The following TBC1D22A variants were observed in gnomAD, a reference collection of about 807,000 sequenced individuals.
The protein encoded by TBC1D22A is TBC1 domain family member 22A.
A neutral mutation model predicts 60.2 loss-of-function variants in TBC1D22A; 38 were observed. The observed-to-expected ratio is 0.63, with a 90% confidence interval of 0.49 to 0.83. The LOEUF (loss-of-function observed/expected upper bound fraction) is 0.83, where lower values mean the gene tolerates loss of function less well. Among genes scored for constraint, TBC1D22A ranks in the 40% least tolerant of loss-of-function variants. The pLI is 0.00. For missense variants in TBC1D22A, 628 were observed against 701.0 expected, an observed-to-expected ratio of 0.90 and a Z score of 1.18; for synonymous variants, 302 against 281.7, an observed-to-expected ratio of 1.07 and a Z score of -0.72.
chr22:46,768,620 G>A (rs1035250063), intron 1 of TBC1D22A, among the ~76,000 whole-genome samples: 2 of 151,832 alleles, frequency 1.3e-5, no homozygotes, highest in South Asian at 2.1e-4. Flanking sequence ...TGGAATTCTC[G>A]CCACACTTCA....
Position 46,891,703 on chromosome 22 carries a change from G to T in TBC1D22A, c.837+309G>T, listed in dbSNP as rs2068417786. On this transcript the variant is annotated intron_variant, in intron 6 of 12. Transcript: ENST00000337137. ...GGCCTTGGGGTGATGGTGGGAGTTTGTATCACAGTGAGCTGCTGTCTGGTA... is the reference window on the plus strand; with the variant it reads ...GGCCTTGGGGTGATGGTGGGAGTTTTTATCACAGTGAGCTGCTGTCTGGTA... Among the ~76,000 whole-genome samples the T allele has an allele frequency of 2.0e-5, 3 of 152,338 alleles. No individual in the cohort carries two copies. The South Asian group carries it at 6.2e-4, about 32-fold the overall frequency.
In TBC1D22A at chr22:46,946,349, G is replaced by A. The variant is rs117530715; in HGVS notation, c.1016-27941G>A. Among the ~76,000 whole-genome samples, 1,464 of 152,340 alleles carry A rather than the reference G, an allele frequency of 9.6e-3. 14 individuals are homozygous for A. The highest frequency in any genetic ancestry group is 0.014 in the Non-Finnish European group (961 of 68,020). ...TTCTCCCACCAGGCTGTAAGAGGTT[G>A]CAGGAGAAAGGTGCCCCTGACGAGC... On this transcript the variant is annotated intron_variant, in intron 8 of 12. Coordinates refer to ENST00000337137, the MANE Select transcript of TBC1D22A (RefSeq NM_014346.5).
chr22:46,972,926 T>C (rs1460712795), intron 8 of TBC1D22A, among the ~76,000 whole-genome samples: 1 of 152,122 alleles, frequency 6.6e-6, no homozygotes, highest in African/African-American at 2.4e-5. Flanking sequence ...GGTCCCGCCA[T>C]GTTGGATGTG....
At chr22:46,971,941 G>A (rs552280196) in intron 8 of TBC1D22A, among the ~76,000 whole-genome samples, 3 of 152,212 alleles carry the variant, frequency 2.0e-5, no homozygotes, top group Non-Finnish European at 4.4e-5. Flanking sequence ...GCAGGGAGCC[G>A]GTGGGTGGAC....
At position 47,171,997 on chromosome 22, in the gene TBC1D22A, G is replaced by C. The variant is rs112290696; in HGVS notation, c.1426-1501G>C. On this transcript the variant is annotated intron_variant, in intron 12 of 12. Transcript: ENST00000337137. ...CCCAACGCACCTGCCCAGTGCGCCC[G>C]GTGAGCCCAGTGTGCCTACCCAGCA... 9.4e-4 allele frequency among the ~76,000 whole-genome samples: 131 copies of C among 139,016 alleles called. 1 individual carries two copies. Among genetic ancestry groups the C allele is most frequent in the African/African-American group, 3.8e-3 (125 of 33,226 alleles). 91.2% of individuals were successfully genotyped at this position (139,016 alleles called of 152,430 possible). A position where few individuals can be genotyped will look rare whatever the true frequency, so the allele number is the denominator to read the frequency against.
intron 8 of TBC1D22A, among the ~76,000 whole-genome samples, chr22:46,944,315 TTCA>T (rs2072372008): frequency 6.6e-6 from 1 of 152,248 alleles, no homozygotes; most frequent in East Asian, 1.9e-4. Flanking sequence ...TTGTTTTTTC[TTCA>T]TCGGCAATTA....
At chr22:46,997,113 A>G (rs1387310345) in intron 9 of TBC1D22A, among the ~76,000 whole-genome samples, 2 of 152,166 alleles carry the variant, frequency 1.3e-5, no homozygotes, top group Non-Finnish European at 2.9e-5. Context: ...AGTTCACCCA[A>G]CTATATCTCT....
intron 8 of TBC1D22A, among the ~76,000 whole-genome samples, chr22:46,965,071 C>G (rs1356100951): frequency 1.3e-5 from 2 of 152,230 alleles, no homozygotes; most frequent in Admixed American, 1.3e-4. Flanking sequence ...GTAAGTGGCT[C>G]CAACCAAAGT....
chr22:47,040,178 C>T (rs976196052), intron 11 of TBC1D22A, among the ~76,000 whole-genome samples: 1 of 152,068 alleles, frequency 6.6e-6, no homozygotes, highest in Non-Finnish European at 1.5e-5. Flanking sequence ...ATCTCCTGAC[C>T]TTGTGATCCA....
chr22:47,081,691 A>G (rs2064473434), intron 11 of TBC1D22A, among the ~76,000 whole-genome samples: 1 of 152,242 alleles, frequency 6.6e-6, no homozygotes, highest in African/African-American at 2.4e-5. Context: ...TTAGAAGTTG[A>G]TATCATTTTA....
At chr22:46,924,843 C>T (rs1332399292) in intron 8 of TBC1D22A, among the ~76,000 whole-genome samples, 1 of 152,184 alleles carries the variant, frequency 6.6e-6, no homozygotes, top group Admixed American at 6.5e-5. Context: ...AGAGAGGACA[C>T]TCTAGCATAT....
intron 11 of TBC1D22A, among the ~76,000 whole-genome samples, chr22:47,089,451 A>G (rs2147606400): frequency 6.6e-6 from 1 of 152,366 alleles, no homozygotes; most frequent in African/African-American, 2.4e-5. Flanking sequence ...ACTTTGGGGA[A>G]TTCTTGAAAA....
chr22:46,961,788 G>A (rs188730453), intron 8 of TBC1D22A, among the ~76,000 whole-genome samples: 13 of 152,202 alleles, frequency 8.5e-5, no homozygotes, highest in Non-Finnish European at 1.3e-4. Flanking sequence ...AGAGGAACTC[G>A]GTCAGTGGTC....
chr22:47,044,032 C>T (rs1347984704), intron 11 of TBC1D22A, among the ~76,000 whole-genome samples: 1 of 40,166 alleles, frequency 2.5e-5, no homozygotes, highest in Non-Finnish European at 4.3e-5. Flanking sequence ...CATGGGTCCT[C>T]ATAGCAGCCC....
Position 47,113,775 on chromosome 22 carries a change from A to G in TBC1D22A, c.1425+2172A>G, listed in dbSNP as rs181439409. Among the ~76,000 whole-genome samples the G allele has an allele frequency of 3.5e-3, 532 of 152,286 alleles. 5 individuals carry two copies. The highest frequency in any genetic ancestry group is 4.8e-3 in the Non-Finnish European group (327 of 68,024). ...GTTTCTTCCTGTTGTGAATACGTGC[A>G]GAAGTGTCACTCCGGCCCTGGAGGC... On this transcript the variant is annotated intron_variant, in intron 12 of 12. Transcript: ENST00000337137.
At chr22:46,821,011 G>A (rs1316151952) in intron 4 of TBC1D22A, among the ~76,000 whole-genome samples, 3 of 144,976 alleles carry the variant, frequency 2.1e-5, no homozygotes, top group Non-Finnish European at 4.5e-5. Flanking sequence ...ATCTTTGTTG[G>A]TTTAAAGTCT....
intron 11 of TBC1D22A, among the ~76,000 whole-genome samples, chr22:47,045,309 C>A (rs772692881): frequency 3.3e-5 from 5 of 152,158 alleles, no homozygotes; most frequent in Non-Finnish European, 7.3e-5. Flanking sequence ...CGGCTGCGCT[C>A]CTCCGCGGTT....
At chr22:46,965,107 G>A (rs998952910) in intron 8 of TBC1D22A, among the ~76,000 whole-genome samples, 3 of 152,234 alleles carry the variant, frequency 2.0e-5, no homozygotes, top group South Asian at 2.1e-4. Flanking sequence ...GTCAGTGAAC[G>A]CTGGATTGTC....
At position 47,039,797 on chromosome 22, in the gene TBC1D22A, A is replaced by G. The variant is rs187546222; in HGVS notation, c.1329+2599A>G. Among the ~76,000 whole-genome samples, 136 of 150,920 alleles carry G rather than the reference A, an allele frequency of 9.0e-4. 1 individual carries two copies. Among genetic ancestry groups the G allele is most frequent in the African/African-American group, 3.2e-3 (130 of 41,244 alleles). On this transcript the variant is annotated intron_variant, in intron 11 of 12. Transcript: ENST00000337137. ...TGGCACATGGTTCCAAAGAGGCTGT[A>G]CGGAAGGTATAGTGCTGGCATCTGC...
Sources: allele counts gnomAD v4.1 joint callset (sites outside exome capture counted in the v4.1 genomes callset), GRCh38; gene constraint gnomAD v4.1.1; transcripts MANE v1.5; gene names NCBI Gene and HGNC (gene_info 2026-07-23, HGNC 2026-07-21).